ASCC3: variants seen among roughly 807,000 people sequenced by gnomAD.
ASCC3 encodes activating signal cointegrator 1 complex subunit 3, also known as ASC-1 complex subunit P200.
In ASCC3, 158 loss-of-function variants were observed where a neutral mutation model predicts 256.3. The ratio of observed to expected loss-of-function variants is 0.62; its 90% CI spans 0.54 to 0.70. The LOEUF (loss-of-function observed/expected upper bound fraction) is 0.70. Ranked by LOEUF, ASCC3 falls within the 30% of genes least tolerant of loss-of-function variation. The pLI, the probability that ASCC3 is intolerant of heterozygous loss-of-function variation, is 0.00. For missense variants in ASCC3, 2,259 were observed against 2,626.0 expected (o/e 0.86, Z 3.05); for synonymous variants, 948 against 883.4 (o/e 1.07, Z -1.30).
chr6:100,665,974 T>A (rs879607981), intron 14 of ASCC3, among the ~76,000 whole-genome samples: 3 of 152,144 alleles, frequency 2.0e-5, no homozygotes, highest in Non-Finnish European at 4.4e-5. Context: ...TCTTTATAGT[T>A]AAACTCTTCG....
chr6:100,589,940 A>G lies in ASCC3; in HGVS notation c.5415+8T>C, dbSNP rs746416636. ...TTTTCAATTAGAATGCATATGACTA[A>G]GTCATACCTCTCCAATTTCAATACA... is the stretch of plus-strand genomic sequence containing the variant. On this transcript the variant is annotated splice_region_variant and intron_variant, in intron 35 of 41. Coordinates refer to ENST00000369162, the MANE Select transcript of ASCC3 (RefSeq NM_006828.4). 6.2e-7 allele frequency: 1 copy of G among 1,606,150 alleles called. No individual in the cohort carries two copies. The highest frequency in any genetic ancestry group is 1.1e-5 in the South Asian group (1 of 90,904).
At chr6:100,765,536 T>C (rs944560551) in intron 10 of ASCC3, among the ~76,000 whole-genome samples, 2 of 152,202 alleles carry the variant, frequency 1.3e-5, no homozygotes, top group African/African-American at 4.8e-5. Flanking sequence ...CATCTACCTG[T>C]GTCCTGGAAG....
At chr6:100,724,928 C>G (rs1422224087) in intron 11 of ASCC3, among the ~76,000 whole-genome samples, 12 of 151,940 alleles carry the variant, frequency 7.9e-5, no homozygotes, top group Admixed American at 7.9e-4. Flanking sequence ...CTATGAACGT[C>G]TACTGATACT....
chr6:100,565,376 A>G (rs1770181892), intron 36 of ASCC3, among the ~76,000 whole-genome samples: 2 of 152,296 alleles, frequency 1.3e-5, no homozygotes, highest in Middle Eastern at 6.8e-3. Context: ...AAAGCGTCTT[A>G]GTGAAGGAGT....
chr6:100,801,003 G>A (rs1355063108), intron 5 of ASCC3, among the ~76,000 whole-genome samples: 1 of 151,932 alleles, frequency 6.6e-6, no homozygotes, highest in African/African-American at 2.4e-5. Flanking sequence ...TTTATTAGCA[G>A]TAGTTCAAGA....
chr6:100,515,590 T>A (rs1431991830), intron 39 of ASCC3, among the ~76,000 whole-genome samples: 1 of 152,222 alleles, frequency 6.6e-6, no homozygotes, highest in East Asian at 1.9e-4. Flanking sequence ...GACATGATCC[T>A]TGTTGTTTTC....
At chr6:100,527,049 T>C (rs1774611179) in intron 37 of ASCC3, among the ~76,000 whole-genome samples, 1 of 152,198 alleles carries the variant, frequency 6.6e-6, no homozygotes, top group South Asian at 2.1e-4. Context: ...GTGAAATATT[T>C]ATTTACCTAT....
chr6:100,738,716 C>T (rs1178917412), intron 10 of ASCC3, among the ~76,000 whole-genome samples: 1 of 152,120 alleles, frequency 6.6e-6, no homozygotes, highest in African/African-American at 2.4e-5. Context: ...TTTTGTTCCA[C>T]ATGAATTTTA....
rs1463975596 is a variant in ASCC3, at chr6:100,530,714, A to G, written c.5775+9449T>C. ...AGGCCCAGATACCCAAGATGTAACA[A>G]GAATTGAAAGAACCAGGACAATTTA... On this transcript the variant is annotated intron_variant, in intron 37 of 41. Coordinates refer to ENST00000369162, the MANE Select transcript of ASCC3 (RefSeq NM_006828.4). The G allele has an allele frequency of 1.1e-5, 10 of 949,936 alleles. No homozygotes were observed. The East Asian group carries it at 1.7e-4, about 16-fold the overall frequency. 58.8% of individuals were successfully genotyped at this position (949,936 alleles called of 1,614,324 possible). A position where few individuals can be genotyped will look rare whatever the true frequency, so the allele number is the denominator to read the frequency against.
chr6:100,561,199 T>C (rs1467857355), intron 36 of ASCC3, among the ~76,000 whole-genome samples: 1 of 152,038 alleles, frequency 6.6e-6, no homozygotes, highest in Non-Finnish European at 1.5e-5. Flanking sequence ...ATCAGCTCCA[T>C]ATTAATAAGC....
At position 100,676,810 on chromosome 6, in the gene ASCC3, T is replaced by C. The variant is rs139482678; in HGVS notation, c.2286+2808A>G. Among the ~76,000 whole-genome samples, 48 of 152,326 alleles carry C rather than the reference T, an allele frequency of 3.2e-4. 2 individuals are homozygous for C. The highest frequency in any genetic ancestry group is 1.1e-3 in the African/African-American group (47 of 41,586). ...AAAGGAGGATTTTCTTAATGGAGTT[T>C]TGTTATTTACACAAATAAAAATACA... On this transcript the variant is annotated intron_variant, in intron 14 of 41. Transcript: ENST00000369162.
intron 14 of ASCC3, among the ~76,000 whole-genome samples, chr6:100,668,667 T>C (rs1406633593): frequency 6.6e-6 from 1 of 151,910 alleles, no homozygotes; most frequent in African/African-American, 2.4e-5. Context: ...CTCTAAATAG[T>C]AAAGAACTTT....
intron 33 of ASCC3, among the ~76,000 whole-genome samples, chr6:100,603,595 ATTCT>A (rs1772737613): frequency 6.6e-6 from 1 of 152,076 alleles, no homozygotes; most frequent in African/African-American, 2.4e-5. Flanking sequence ...TTTTGTAGAT[ATTCT>A]TTATCAGATT....
At chr6:100,596,243 C>T (rs1772288965) in intron 34 of ASCC3, among the ~76,000 whole-genome samples, 1 of 152,002 alleles carries the variant, frequency 6.6e-6, no homozygotes, top group Non-Finnish European at 1.5e-5. Context: ...TTGGGGTCTA[C>T]TTCATAGTAA....
chr6:100,581,624 T>C (rs1344366461), intron 36 of ASCC3, among the ~76,000 whole-genome samples: 9 of 152,068 alleles, frequency 5.9e-5, no homozygotes, highest in African/African-American at 2.2e-4. Context: ...TTTGTTGCCA[T>C]TGCTTTTGGT....
chr6:100,799,067 C>A (rs1313104848), intron 7 of ASCC3, among the ~76,000 whole-genome samples: 1 of 152,020 alleles, frequency 6.6e-6, no homozygotes, highest in East Asian at 1.9e-4. Context: ...ACACAGGCCA[C>A]AGTATGTTGA....
intron 10 of ASCC3, among the ~76,000 whole-genome samples, chr6:100,738,754 A>T (rs1283099321): frequency 6.6e-6 from 1 of 152,078 alleles, no homozygotes; most frequent in Non-Finnish European, 1.5e-5. Flanking sequence ...AATTCTGTGA[A>T]GAATGTCAAT....
rs776972387 is a variant in ASCC3 at position 100,606,825 on chromosome 6, T to C, written c.4959A>G (p.Val1653=). The C allele has an allele frequency of 2.5e-6, 4 of 1,612,450 alleles. No individual in the cohort carries two copies. Among genetic ancestry groups the C allele is most frequent in the East Asian group, 2.2e-5 (1 of 44,730 alleles). Residue 1653 remains valine (V), a synonymous_variant, in exon 32 of 42, where the codon GTA becomes GTG. Coordinates refer to ENST00000369162, the MANE Select transcript of ASCC3 (RefSeq NM_006828.4). ...TAATTACTAAATGAGCTGGAAAGTT[T>C]ACACCCCAGGCTAATGTGCTTGTAG... ...LIATSTLAWG[V]NFPAHLVIIK... is the part of the protein sequence containing the mutation.
intron 8 of ASCC3, among the ~76,000 whole-genome samples, chr6:100,779,163 T>C (rs1463473205): frequency 1.3e-5 from 2 of 152,146 alleles, no homozygotes; most frequent in Admixed American, 6.5e-5. Flanking sequence ...ACCTATTCAA[T>C]GAAATAATAT....
Sources: allele counts gnomAD v4.1 joint callset (sites outside exome capture counted in the v4.1 genomes callset), GRCh38; gene constraint gnomAD v4.1.1; transcripts MANE v1.5; gene names NCBI Gene and HGNC (gene_info 2026-07-23, HGNC 2026-07-21).